The following CCSER1 variants were observed in gnomAD, a reference collection of about 807,000 sequenced individuals.
The protein encoded by CCSER1 is serine-rich coiled-coil domain-containing protein 1.
A neutral mutation model predicts 82.0 loss-of-function variants in CCSER1; 41 were observed. The ratio of observed to expected loss-of-function variants is 0.50; its 90% CI spans 0.39 to 0.65. The LOEUF is 0.65. CCSER1 is among the 30% of genes least tolerant of loss of function. CCSER1 has a pLI of 0.00. For synonymous variants in CCSER1, 414 were observed against 383.9 expected (o/e 1.08, Z -0.92); for missense variants, 1,119 against 1,064.2 (o/e 1.05, Z -0.72).
intron 9 of CCSER1, among the ~76,000 whole-genome samples, chr4:91,007,509 C>A (rs1489029608): frequency 6.6e-6 from 1 of 151,838 alleles, no homozygotes; most frequent in Non-Finnish European, 1.5e-5. Flanking sequence ...GCTTAAATCC[C>A]GGTAGCTTGT....
Position 91,496,657 on chromosome 4 carries a change from AAT to A in CCSER1, c.2218-101904_2218-101903del, listed in dbSNP as rs368302046. Among the ~76,000 whole-genome samples the A allele has an allele frequency of 8.4e-5, 2 of 23,748 alleles. 1 individual carries two copies. The highest frequency in any genetic ancestry group is 2.0e-4 in the African/African-American group (2 of 9,826). The allele number at this position is 23,748 out of a possible 152,430, so 15.6% of individuals were successfully genotyped here. Reference sequence around the variant, plus strand: ...ATATATATATATTCAATATATATTGAATATATATATATTCAATATATTTGAAT... The same window carrying A: ...ATATATATATATTCAATATATATTGAATATATATATTCAATATATTTGAAT... On this transcript the variant is annotated intron_variant, in intron 10 of 10. Coordinates refer to ENST00000509176, the MANE Select transcript of CCSER1 (RefSeq NM_001145065.2).
chr4:90,659,248 A>G (rs564942125), intron 6 of CCSER1, among the ~76,000 whole-genome samples: 2 of 152,132 alleles, frequency 1.3e-5, no homozygotes, highest in Non-Finnish European at 2.9e-5. Flanking sequence ...GAAAGCAACA[A>G]ATAATTAGGC....
chr4:90,663,628 G>A (rs1337445145), intron 6 of CCSER1, among the ~76,000 whole-genome samples: 1 of 152,080 alleles, frequency 6.6e-6, no homozygotes, highest in Non-Finnish European at 1.5e-5. Flanking sequence ...GGGATTACAG[G>A]TGCGACTACC....
chr4:90,874,900 G>A (rs1229983790), intron 8 of CCSER1, among the ~76,000 whole-genome samples: 1 of 152,110 alleles, frequency 6.6e-6, no homozygotes, highest in Admixed American at 6.6e-5. Context: ...ACAAAAATTA[G>A]CTGGGCGTAG....
intron 8 of CCSER1, among the ~76,000 whole-genome samples, chr4:90,894,757 G>A (rs560264012): frequency 6.6e-6 from 1 of 151,904 alleles, no homozygotes; most frequent in South Asian, 2.1e-4. Flanking sequence ...TGCCAATGAT[G>A]GTTCTACTCA....
At chr4:91,494,026 TGGGGACTTTACAAAATGAAATG>T (rs1201093573) in intron 10 of CCSER1, among the ~76,000 whole-genome samples, 1 of 151,780 alleles carries the variant, frequency 6.6e-6, no homozygotes, top group African/African-American at 2.4e-5. Flanking sequence ...AGTATTGAGG[TGGGGACTTTACAAAATGAAATG>T]GGGGACTTTA....
intron 4 of CCSER1, among the ~76,000 whole-genome samples, chr4:90,411,643 T>C (rs573487513): frequency 6.6e-6 from 1 of 152,310 alleles, no homozygotes; most frequent in African/African-American, 2.4e-5. Flanking sequence ...GAGCTATCTA[T>C]GACAAACCCA....
chr4:90,251,101 G>A (rs11931823), intron 1 of CCSER1, among the ~76,000 whole-genome samples: 2 of 151,862 alleles, frequency 1.3e-5, no homozygotes, highest in Admixed American at 6.6e-5. Context: ...GTATGTGTAT[G>A]TGTGTTCCTT....
At chr4:90,513,988 CA>C (rs1296778243) in intron 5 of CCSER1, among the ~76,000 whole-genome samples, 1 of 152,136 alleles carries the variant, frequency 6.6e-6, no homozygotes, top group Admixed American at 6.6e-5. Context: ...GGAGAGAAAA[CA>C]GCTGCCATTT....
At chr4:90,134,964 A>G (rs1578134489) in intron 1 of CCSER1, among the ~76,000 whole-genome samples, 1 of 152,246 alleles carries the variant, frequency 6.6e-6, no homozygotes, top group South Asian at 2.1e-4. Flanking sequence ...AGTCAAAACC[A>G]TGAATAAAAC....
intron 10 of CCSER1, among the ~76,000 whole-genome samples, chr4:91,211,039 TAAA>T (rs1736774535): frequency 6.6e-6 from 1 of 151,986 alleles, no homozygotes; most frequent in Non-Finnish European, 1.5e-5. Flanking sequence ...TCAAAATGAA[TAAA>T]AAACAAATTA....
chr4:91,388,642 T>C (rs1258149281), intron 10 of CCSER1, among the ~76,000 whole-genome samples: 2 of 152,120 alleles, frequency 1.3e-5, no homozygotes, highest in Non-Finnish European at 2.9e-5. Context: ...GTGCATTTCC[T>C]GATGACACAT....
intron 4 of CCSER1, among the ~76,000 whole-genome samples, chr4:90,463,328 C>T (rs1763180419): frequency 6.6e-6 from 1 of 152,100 alleles, no homozygotes; most frequent in African/African-American, 2.4e-5. Flanking sequence ...AAATGAGAAT[C>T]AGCATGAAGT....
At chr4:90,156,396 G>A (rs567975753) in intron 1 of CCSER1, among the ~76,000 whole-genome samples, 4 of 152,142 alleles carry the variant, frequency 2.6e-5, no homozygotes, top group Non-Finnish European at 4.4e-5. Context: ...GGTCCACTTC[G>A]TGCAGAGCTG....
At chr4:91,458,417 A>G (rs1756320119) in intron 10 of CCSER1, among the ~76,000 whole-genome samples, 1 of 152,018 alleles carries the variant, frequency 6.6e-6, no homozygotes, top group African/African-American at 2.4e-5. Context: ...CTGTTTTGGG[A>G]ACTATAGCTT....
intron 10 of CCSER1, among the ~76,000 whole-genome samples, chr4:91,464,069 GA>G (rs1160590962): frequency 1.3e-5 from 2 of 152,140 alleles, no homozygotes; most frequent in African/African-American, 4.8e-5. Flanking sequence ...TACTGAAGTT[GA>G]AATAAAGGAA....
chr4:90,961,792 TTCAATG>T (rs1734077023), intron 9 of CCSER1, among the ~76,000 whole-genome samples: 1 of 152,100 alleles, frequency 6.6e-6, no homozygotes, highest in African/African-American at 2.4e-5. Context: ...CTTAATAGGC[TTCAATG>T]TCAATATAAT....
At chr4:91,295,295 T>C (rs1037803149) in intron 10 of CCSER1, among the ~76,000 whole-genome samples, 2 of 151,934 alleles carry the variant, frequency 1.3e-5, no homozygotes, top group African/African-American at 2.4e-5. Context: ...TTATAGGATA[T>C]AAATAGAATT....
At chr4:91,300,486 T>C (rs1272218196) in intron 10 of CCSER1, among the ~76,000 whole-genome samples, 2 of 151,906 alleles carry the variant, frequency 1.3e-5, no homozygotes, top group Non-Finnish European at 2.9e-5. Flanking sequence ...CTGAGACATA[T>C]GCCTCAGGTA....
Sources: gnomAD v4.1 joint callset for allele counts (sites outside exome capture counted in the v4.1 genomes callset) on GRCh38, gnomAD v4.1.1 for gene constraint, MANE v1.5 for transcripts, NCBI Gene and HGNC (gene_info 2026-07-23, HGNC 2026-07-21) for gene names.